The following CSMD1 variants were observed in gnomAD, a reference collection of about 807,000 sequenced individuals.
CSMD1 encodes the protein CUB and Sushi multiple domains 1.
CSMD1 carries 213 observed loss-of-function variants against 417.5 expected under a neutral mutation model. That is an observed-to-expected ratio of 0.51 (90% CI 0.46 to 0.57). The LOEUF (loss-of-function observed/expected upper bound fraction) is 0.57. CSMD1 is among the 20% of genes least tolerant of loss of function. The probability of loss-of-function intolerance (pLI) is 0.00; values close to 1 mark genes in which losing one functional copy is unlikely to be tolerated. For synonymous variants in CSMD1, 2,862 were observed against 1,736.8 expected (o/e 1.65, Z -16.11); for missense variants, 6,923 against 4,529.7 (o/e 1.53, Z -15.17).
chr8:3,722,532 T>C (rs1270907508), intron 6 of CSMD1, among the ~76,000 whole-genome samples: 2 of 152,186 alleles, frequency 1.3e-5, no homozygotes, highest in Non-Finnish European at 2.9e-5. Context: ...TTTTCTCTGA[T>C]CTATAACCCT....
At chr8:3,858,771 T>C (rs1563151396) in intron 5 of CSMD1, among the ~76,000 whole-genome samples, 1 of 152,176 alleles carries the variant, frequency 6.6e-6, no homozygotes, top group African/African-American at 2.4e-5. Context: ...GTATAACTTA[T>C]TTAGGATTTA....
intron 1 of CSMD1, among the ~76,000 whole-genome samples, chr8:4,805,361 G>A (rs140099381): frequency 1.4e-4 from 22 of 152,216 alleles, no homozygotes; most frequent in African/African-American, 5.3e-4. Context: ...CTGCCAATTC[G>A]TGGTCTTATT....
chr8:4,449,461 G>C (rs1479231947), intron 2 of CSMD1, among the ~76,000 whole-genome samples: 3 of 152,146 alleles, frequency 2.0e-5, no homozygotes, highest in South Asian at 2.1e-4. Flanking sequence ...TGATAATTCA[G>C]TTATTAAAAC....
At chr8:4,450,955 A>G (rs936318577) in intron 2 of CSMD1, among the ~76,000 whole-genome samples, 4 of 152,068 alleles carry the variant, frequency 2.6e-5, no homozygotes, top group Admixed American at 6.6e-5. Flanking sequence ...TACAACTAAG[A>G]TCTACAGTAA....
intron 3 of CSMD1, among the ~76,000 whole-genome samples, chr8:4,395,821 G>C (rs1804166639): frequency 1.3e-5 from 2 of 152,120 alleles, no homozygotes; most frequent in African/African-American, 4.8e-5. Context: ...CCTCAAAGTA[G>C]ATACACATTA....
chr8:2,971,799 C>T (rs1481230159), intron 57 of CSMD1, among the ~76,000 whole-genome samples: 1 of 152,122 alleles, frequency 6.6e-6, no homozygotes, highest in African/African-American at 2.4e-5. Flanking sequence ...TATGATCCTG[C>T]AATTCGTGAC....
chr8:4,558,154 G>A (rs1481076712), intron 2 of CSMD1, among the ~76,000 whole-genome samples: 1 of 152,160 alleles, frequency 6.6e-6, no homozygotes, highest in South Asian at 2.1e-4. Flanking sequence ...AAGTTAATCT[G>A]TGGGAAAAGA....
At chr8:3,742,587 C>T (rs1384696410) in intron 6 of CSMD1, among the ~76,000 whole-genome samples, 1 of 152,128 alleles carries the variant, frequency 6.6e-6, no homozygotes, top group Non-Finnish European at 1.5e-5. Flanking sequence ...CTGCCCCGGG[C>T]CAGTAGTGCT....
At chr8:2,951,082 A>G (rs573688547) in intron 66 of CSMD1, 32 bp downstream of exon 66, 1 of 1,599,810 alleles carries the variant, frequency 6.3e-7, no homozygotes, top group Admixed American at 1.7e-5. Context: ...TTCTGCTCAC[A>G]CCATGCGTTT....
intron 30 of CSMD1, among the ~76,000 whole-genome samples, chr8:3,212,052 C>G (rs566915142): frequency 6.6e-6 from 1 of 152,138 alleles, no homozygotes; most frequent in South Asian, 2.1e-4. Context: ...GTTTTGGGGG[C>G]TGTGCAGGCA....
intron 1 of CSMD1, among the ~76,000 whole-genome samples, chr8:4,707,759 C>A (rs1189652860): frequency 6.6e-6 from 1 of 151,676 alleles, no homozygotes; most frequent in Admixed American, 6.6e-5. Flanking sequence ...TCGTGGCAGG[C>A]GCCTGTAATC....
chr8:3,901,097 G>T (rs534482324), intron 5 of CSMD1, among the ~76,000 whole-genome samples: 1 of 152,290 alleles, frequency 6.6e-6, no homozygotes, highest in Non-Finnish European at 1.5e-5. Flanking sequence ...GGAGTCCAAG[G>T]TTAATGTGTG....
At chr8:3,362,948 T>C (rs1809294098) in intron 20 of CSMD1, among the ~76,000 whole-genome samples, 1 of 152,228 alleles carries the variant, frequency 6.6e-6, no homozygotes, top group Non-Finnish European at 1.5e-5. Flanking sequence ...GCTCAGATCA[T>C]GTCAAGCTCT....
At chr8:4,191,138 T>G (rs1344494743) in intron 3 of CSMD1, among the ~76,000 whole-genome samples, 1 of 152,194 alleles carries the variant, frequency 6.6e-6, no homozygotes, top group African/African-American at 2.4e-5. Flanking sequence ...AGCTCATGCC[T>G]GTAATCCCAG....
intron 6 of CSMD1, among the ~76,000 whole-genome samples, chr8:3,722,059 G>A (rs1327051239): frequency 6.6e-6 from 1 of 152,150 alleles, no homozygotes; most frequent in Non-Finnish European, 1.5e-5. Flanking sequence ...GCATAAGGAA[G>A]AGGCCGGGCA....
chr8:4,973,442 C>A (rs529660513), intron 1 of CSMD1, among the ~76,000 whole-genome samples: 1 of 152,094 alleles, frequency 6.6e-6, no homozygotes, highest in African/African-American at 2.4e-5. Context: ...GGTTTTAGAA[C>A]ATTTTCTAGC....
At chr8:4,307,661 G>A (rs111946983) in intron 3 of CSMD1, among the ~76,000 whole-genome samples, 37 of 152,238 alleles carry the variant, frequency 2.4e-4, no homozygotes, top group Non-Finnish European at 3.7e-4. Flanking sequence ...TGGGAAATGG[G>A]TTAAAATACA....
chr8:2,950,993 T>C lies in CSMD1; in HGVS notation c.10201+121A>G, dbSNP rs1162534433. The C allele has an allele frequency of 1.8e-5, 17 of 942,416 alleles. No individual in the cohort carries two copies. The Admixed American group carries it at 3.2e-4, about 18-fold the overall frequency. The allele number at this position is 942,416 out of a possible 1,614,324, so 58.4% of individuals were successfully genotyped here. On this transcript the variant is annotated intron_variant, in intron 66 of 69. Coordinates refer to ENST00000635120, the MANE Select transcript of CSMD1 (RefSeq NM_033225.6). ...AGGGAGAGGCTCCAATGAGTTACAG[T>C]ATATACAAAGCCAACAGAACAGTAA...
At chr8:3,101,213 C>G (rs1269867471) in intron 46 of CSMD1, among the ~76,000 whole-genome samples, 2 of 152,128 alleles carry the variant, frequency 1.3e-5, no homozygotes, top group East Asian at 3.9e-4. Flanking sequence ...TCCCCCAAAA[C>G]ACCCTGAGAG....
Sources: gnomAD v4.1 joint callset for allele counts (sites outside exome capture counted in the v4.1 genomes callset) on GRCh38, gnomAD v4.1.1 for gene constraint, MANE v1.5 for transcripts, NCBI Gene and HGNC (gene_info 2026-07-23, HGNC 2026-07-21) for gene names.